GALNTL6: variants seen among roughly 807,000 people sequenced by gnomAD.
GALNTL6 encodes the protein polypeptide N-acetylgalactosaminyltransferase like 6.
Under a neutral mutation model 73.7 loss-of-function variants are expected in GALNTL6, and 46 were observed. The observed-to-expected ratio is 0.62, with a 90% confidence interval of 0.49 to 0.80. The LOEUF (loss-of-function observed/expected upper bound fraction) is 0.80, where lower values mean the gene tolerates loss of function less well. Ranked by LOEUF, GALNTL6 falls within the 30% of genes least tolerant of loss-of-function variation. GALNTL6 has a pLI of 0.00. For missense variants in GALNTL6, 604 were observed against 755.0 expected, an observed-to-expected ratio of 0.80 and a Z score of 2.34; for synonymous variants, 259 against 263.7, an observed-to-expected ratio of 0.98 and a Z score of 0.17.
At chr4:172,396,301 A>G (rs1293908424) in intron 5 of GALNTL6, among the ~76,000 whole-genome samples, 1 of 104,428 alleles carries the variant, frequency 9.6e-6, no homozygotes, top group Non-Finnish European at 1.8e-5. Context: ...TGCAATTACT[A>G]TTTTCTTTTT....
Position 172,573,853 on chromosome 4 carries a change from A to C in GALNTL6, c.553+225164A>C, listed in dbSNP as rs78727414. Among the ~76,000 whole-genome samples, 537 of 152,294 alleles carry C rather than the reference A, an allele frequency of 3.5e-3. 3 individuals are homozygous for C. The highest frequency in any genetic ancestry group is 0.012 in the African/African-American group (497 of 41,552). Reference sequence around the variant, plus strand: ...CTCAATTTCAGGACTTTTGCCAGTAACACGTTTTGAGGGTAAACAAATATG... The same window carrying C: ...CTCAATTTCAGGACTTTTGCCAGTACCACGTTTTGAGGGTAAACAAATATG... On this transcript the variant is annotated intron_variant, in intron 5 of 12. Coordinates refer to ENST00000506823, the MANE Select transcript of GALNTL6 (RefSeq NM_001034845.3).
At chr4:172,072,941 T>C (rs1731586443) in intron 2 of GALNTL6, among the ~76,000 whole-genome samples, 1 of 152,188 alleles carries the variant, frequency 6.6e-6, no homozygotes. Flanking sequence ...TAAATCATGA[T>C]CCTTCATATG....
At chr4:172,736,671 T>A (rs1426579713) in intron 5 of GALNTL6, among the ~76,000 whole-genome samples, 2 of 152,232 alleles carry the variant, frequency 1.3e-5, no homozygotes, top group Middle Eastern at 3.2e-3. Flanking sequence ...CCATGAAATC[T>A]TCACAATTTA....
intron 7 of GALNTL6, among the ~76,000 whole-genome samples, chr4:172,831,836 C>G (rs1321123284): frequency 6.6e-6 from 1 of 152,214 alleles, no homozygotes; most frequent in East Asian, 1.9e-4. Flanking sequence ...TTCACCTTCT[C>G]TCTCCACCAT....
intron 9 of GALNTL6, among the ~76,000 whole-genome samples, chr4:172,936,908 A>G (rs1287052518): frequency 6.6e-6 from 1 of 152,170 alleles, no homozygotes; most frequent in African/African-American, 2.4e-5. Context: ...GTAAAGGAGT[A>G]GAGCTGGGTC....
At chr4:171,880,474 G>A (rs1219896421) in intron 2 of GALNTL6, among the ~76,000 whole-genome samples, 2 of 152,184 alleles carry the variant, frequency 1.3e-5, no homozygotes, top group Non-Finnish European at 1.5e-5. Context: ...TGGGAAGAAA[G>A]GCTGTTAATT....
At chr4:172,731,293 G>A (rs1736136288) in intron 5 of GALNTL6, among the ~76,000 whole-genome samples, 1 of 152,094 alleles carries the variant, frequency 6.6e-6, no homozygotes, top group African/African-American at 2.4e-5. Flanking sequence ...GATTGTATGT[G>A]TCCAGGATTT....
At chr4:172,764,260 G>A (rs1738278448) in intron 5 of GALNTL6, among the ~76,000 whole-genome samples, 1 of 152,132 alleles carries the variant, frequency 6.6e-6, no homozygotes, top group Non-Finnish European at 1.5e-5. Flanking sequence ...CCTGGCCAGT[G>A]TTATTTTTTT....
At chr4:172,424,521 A>G (rs1411135535) in intron 5 of GALNTL6, among the ~76,000 whole-genome samples, 1 of 152,154 alleles carries the variant, frequency 6.6e-6, no homozygotes, top group Non-Finnish European at 1.5e-5. Context: ...AAAACTATAA[A>G]AACGATTTAA....
At chr4:172,937,648 A>G (rs965234539) in intron 9 of GALNTL6, among the ~76,000 whole-genome samples, 3 of 152,260 alleles carry the variant, frequency 2.0e-5, no homozygotes, top group African/African-American at 4.8e-5. Context: ...AGTTTAAGTG[A>G]TGAACAAGTT....
intron 3 of GALNTL6, among the ~76,000 whole-genome samples, chr4:172,302,900 T>C (rs1449489937): frequency 2.0e-5 from 3 of 152,162 alleles, no homozygotes; most frequent in African/African-American, 7.2e-5. Context: ...TCATCCTTTT[T>C]CTGCTTTGTT....
intron 2 of GALNTL6, among the ~76,000 whole-genome samples, chr4:172,167,898 G>T: frequency 6.7e-6 from 1 of 149,514 alleles, no homozygotes; most frequent in East Asian, 2.0e-4. Context: ...AGCGGAGCTT[G>T]CAGTGAGCCG....
At chr4:172,005,185 C>T (rs924877384) in intron 2 of GALNTL6, among the ~76,000 whole-genome samples, 1 of 151,880 alleles carries the variant, frequency 6.6e-6, no homozygotes, top group African/African-American at 2.4e-5. Flanking sequence ...AGTGCAATGG[C>T]GCGATCTTGG....
chr4:172,281,318 C>T (rs543820021), intron 3 of GALNTL6, among the ~76,000 whole-genome samples: 17 of 152,330 alleles, frequency 1.1e-4, no homozygotes, highest in Middle Eastern at 3.4e-3. Context: ...TGCCTCCATT[C>T]TTTGCCTTAT....
intron 2 of GALNTL6, among the ~76,000 whole-genome samples, chr4:172,102,928 T>C (rs945120940): frequency 1.3e-5 from 2 of 152,070 alleles, no homozygotes; most frequent in African/African-American, 4.8e-5. Context: ...AAAGTACTGA[T>C]TATTGAGTTG....
intron 2 of GALNTL6, among the ~76,000 whole-genome samples, chr4:171,825,215 C>G (rs1189146787): frequency 1.3e-5 from 2 of 152,042 alleles, no homozygotes; most frequent in Non-Finnish European, 2.9e-5. Flanking sequence ...TTGGTTGCAT[C>G]CAACAGTCAG....
At chr4:172,462,310 G>T (rs1732648140) in intron 5 of GALNTL6, among the ~76,000 whole-genome samples, 1 of 152,044 alleles carries the variant, frequency 6.6e-6, no homozygotes, top group Admixed American at 6.6e-5. Flanking sequence ...TGTTTCTGTA[G>T]GTAATCCTGA....
intron 5 of GALNTL6, among the ~76,000 whole-genome samples, chr4:172,558,578 C>T (rs1736229297): frequency 6.6e-6 from 1 of 152,156 alleles, no homozygotes; most frequent in Non-Finnish European, 1.5e-5. Flanking sequence ...GAAACCAACA[C>T]TGTGGGCAAC....
chr4:172,036,190 A>G (rs999973149), intron 2 of GALNTL6, among the ~76,000 whole-genome samples: 1 of 152,060 alleles, frequency 6.6e-6, no homozygotes, highest in Non-Finnish European at 1.5e-5. Context: ...TCATAATTCA[A>G]AAGCTTATTA....
Sources: allele counts gnomAD v4.1 joint callset (sites outside exome capture counted in the v4.1 genomes callset), GRCh38; gene constraint gnomAD v4.1.1; transcripts MANE v1.5; gene names NCBI Gene and HGNC (gene_info 2026-07-23, HGNC 2026-07-21).